FBXL17: variants seen among roughly 807,000 people sequenced by gnomAD.
The protein encoded by FBXL17 is F-box and leucine rich repeat protein 17, also known as F-box/LRR-repeat protein 17.
FBXL17 carries 22 observed loss-of-function variants against 66.2 expected under a neutral mutation model. The observed-to-expected ratio is 0.33, with a 90% CI of 0.24 to 0.47. The LOEUF is 0.47. FBXL17 is among the 20% of genes least tolerant of loss of function. FBXL17 has a pLI of 1.00. For synonymous variants in FBXL17, 474 were observed against 400.5 expected, an observed-to-expected ratio of 1.18 and a Z score of -2.19; for missense variants, 878 against 948.2, an observed-to-expected ratio of 0.93 and a Z score of 0.97.
chr5:108,149,865 A>G (rs960344622), intron 6 of FBXL17, among the ~76,000 whole-genome samples: 1 of 152,218 alleles, frequency 6.6e-6, no homozygotes, highest in Non-Finnish European at 1.5e-5. Context: ...AATGCATAAG[A>G]GAGCAAAAGC....
chr5:108,297,332 T>A (rs182144827), intron 4 of FBXL17, among the ~76,000 whole-genome samples: 1 of 151,868 alleles, frequency 6.6e-6, no homozygotes, highest in Admixed American at 6.6e-5. Flanking sequence ...GACCTTATTG[T>A]GACAAAATTA....
At chr5:108,136,714 T>G (rs1379650651) in intron 6 of FBXL17, among the ~76,000 whole-genome samples, 1 of 152,156 alleles carries the variant, frequency 6.6e-6, no homozygotes, top group Non-Finnish European at 1.5e-5. Flanking sequence ...TGCAAAAACT[T>G]AGAGAGCTTG....
chr5:108,373,266 AAT>A (rs1176357862), intron 1 of FBXL17, among the ~76,000 whole-genome samples: 2 of 145,588 alleles, frequency 1.4e-5, no homozygotes, highest in Non-Finnish European at 3.0e-5. Flanking sequence ...ATATAAATAT[AAT>A]ATATATCTAA....
chr5:108,245,091 G>A (rs1392697539), intron 4 of FBXL17, among the ~76,000 whole-genome samples: 10 of 151,990 alleles, frequency 6.6e-5, no homozygotes, highest in Non-Finnish European at 2.9e-5. Context: ...TTCCACTAAG[G>A]TATTTAACTC....
chr5:107,874,765 C>G (rs893180019), intron 8 of FBXL17, among the ~76,000 whole-genome samples: 7 of 152,180 alleles, frequency 4.6e-5, no homozygotes, highest in African/African-American at 9.7e-5. Flanking sequence ...AAGGTAACCT[C>G]TGAATTTCAG....
intron 6 of FBXL17, among the ~76,000 whole-genome samples, chr5:108,031,425 G>C (rs949307347): frequency 2.0e-5 from 3 of 151,940 alleles, no homozygotes; most frequent in Non-Finnish European, 2.9e-5. Context: ...TTCCACAAGT[G>C]GGATAAAATT....
At chr5:108,378,882 T>C (rs534527312) in intron 1 of FBXL17, among the ~76,000 whole-genome samples, 1 of 152,314 alleles carries the variant, frequency 6.6e-6, no homozygotes, top group South Asian at 2.1e-4. Flanking sequence ...GCTAATTCAA[T>C]TCATCCCAGA....
At position 108,381,007 on chromosome 5, in the gene FBXL17, C is replaced by G. The variant is rs1749846934; in HGVS notation, c.685G>C (p.Gly229Arg). 8.4e-7 allele frequency: 1 copy of G among 1,189,774 alleles called. No individual in the cohort carries two copies. Among genetic ancestry groups the G allele is most frequent in the African/African-American group, 1.6e-5 (1 of 62,370 alleles). The allele number at this position is 1,189,774 out of a possible 1,614,324, so 73.7% of individuals were successfully genotyped here. A position where few individuals can be genotyped will look rare whatever the true frequency, so the allele number is the denominator to read the frequency against. ...GCGCCTCCCCCCGCAGGCCCTCCCC[C>G]GCCACCGCCGCCGCCGCCGCCGCCG... is the stretch of plus-strand genomic sequence containing the variant. Reference protein sequence around the residue: ...GCGGGGGGGGGGGPAGGGASP... With the variant: ...GCGGGGGGGGRGGPAGGGASP... The change falls in exon 1 of 9, where the codon GGG becomes CGG. Residue 229 changes from glycine (G) to arginine (R), a missense_variant. Coordinates refer to ENST00000542267, the MANE Select transcript of FBXL17 (RefSeq NM_001163315.3).
At chr5:108,328,538 CT>C (rs1759969779) in intron 4 of FBXL17, among the ~76,000 whole-genome samples, 1 of 151,930 alleles carries the variant, frequency 6.6e-6, no homozygotes, top group African/African-American at 2.4e-5. Flanking sequence ...ATAATGAAGT[CT>C]TGTAGAAGAG....
chr5:107,870,214 TG>T (rs1299431879), intron 8 of FBXL17, among the ~76,000 whole-genome samples: 2 of 152,170 alleles, frequency 1.3e-5, no homozygotes, highest in African/African-American at 4.8e-5. Flanking sequence ...TTTCTGTTCT[TG>T]GGGATCTGAA....
At chr5:108,065,943 C>A (rs1007759027) in intron 6 of FBXL17, among the ~76,000 whole-genome samples, 2 of 152,098 alleles carry the variant, frequency 1.3e-5, no homozygotes, top group South Asian at 2.1e-4. Flanking sequence ...CAAAACAAAA[C>A]CCCCAAAACT....
intron 7 of FBXL17, among the ~76,000 whole-genome samples, chr5:107,950,567 G>A (rs186020992): frequency 7.1e-4 from 108 of 152,248 alleles, no homozygotes; most frequent in African/African-American, 2.2e-3. Context: ...ATGCCATTCC[G>A]TTAGAAACTT....
chr5:108,213,178 G>A (rs1244285126), intron 5 of FBXL17, among the ~76,000 whole-genome samples: 1 of 152,104 alleles, frequency 6.6e-6, no homozygotes, highest in African/African-American at 2.4e-5. Flanking sequence ...GCAGGCTGCT[G>A]CTGTGCTGAC....
At chr5:108,372,804 G>A (rs1171734609) in intron 1 of FBXL17, among the ~76,000 whole-genome samples, 1 of 152,190 alleles carries the variant, frequency 6.6e-6, no homozygotes, top group African/African-American at 2.4e-5. Flanking sequence ...AAGGGGATCA[G>A]ACAGTGGCTT....
intron 4 of FBXL17, among the ~76,000 whole-genome samples, chr5:108,276,517 G>A (rs1476208008): frequency 6.6e-6 from 1 of 152,062 alleles, no homozygotes; most frequent in Non-Finnish European, 1.5e-5. Context: ...CAATAATGCT[G>A]CTCAGTATAA....
At chr5:108,258,457 T>A (rs1756669901) in intron 4 of FBXL17, among the ~76,000 whole-genome samples, 1 of 152,136 alleles carries the variant, frequency 6.6e-6, no homozygotes, top group Admixed American at 6.5e-5. Flanking sequence ...CCCTTTCATA[T>A]GTTGGGGTAA....
At chr5:108,159,808 C>T (rs1752137477) in intron 6 of FBXL17, among the ~76,000 whole-genome samples, 1 of 152,070 alleles carries the variant, frequency 6.6e-6, no homozygotes, top group Non-Finnish European at 1.5e-5. Flanking sequence ...ATTTTCTTAA[C>T]TTGTACTAAA....
chr5:108,205,721 G>A (rs1277337684), intron 5 of FBXL17, among the ~76,000 whole-genome samples: 1 of 151,908 alleles, frequency 6.6e-6, no homozygotes, highest in Non-Finnish European at 1.5e-5. Flanking sequence ...TTAGATTCAG[G>A]CTTTTTGTTT....
chr5:108,184,121 T>A (rs947803853), intron 6 of FBXL17, among the ~76,000 whole-genome samples: 2 of 151,990 alleles, frequency 1.3e-5, no homozygotes, highest in Admixed American at 1.3e-4. Flanking sequence ...AAAGGAAATT[T>A]AAAAAGGGGA....
Sources: allele counts gnomAD v4.1 joint callset (sites outside exome capture counted in the v4.1 genomes callset), GRCh38; gene constraint gnomAD v4.1.1; transcripts MANE v1.5; gene names NCBI Gene and HGNC (gene_info 2026-07-23, HGNC 2026-07-21).